Variants in ASB3 observed in about 807,000 individuals in gnomAD.
The protein encoded by ASB3 is ankyrin repeat and SOCS box protein 3.
Under a neutral mutation model 54.5 loss-of-function variants are expected in ASB3, and 41 were observed. The ratio of observed to expected loss-of-function variants is 0.75; its 90% CI spans 0.59 to 0.98. ASB3 has a LOEUF of 0.98. Ranked by LOEUF, ASB3 falls within the 50% of genes least tolerant of loss-of-function variation. ASB3 has a pLI of 0.00. For synonymous variants in ASB3, 266 were observed against 221.2 expected (o/e 1.20, Z -1.80); for missense variants, 733 against 620.0 (o/e 1.18, Z -1.94).
rs552440558 is a variant in ASB3, at chr2:53,719,353, T to G, written c.605-2610A>C. Among the ~76,000 whole-genome samples the G allele has an allele frequency of 2.0e-5, 3 of 152,372 alleles. No homozygotes were observed. The East Asian group carries it at 5.8e-4, about 29-fold the overall frequency. ...TGACAGAGCAGGAGTATCACCATCT[T>G]GCACAAGCACTGTTATTTTCCAATT... On this transcript the variant is annotated intron_variant, in intron 5 of 9. Coordinates refer to ENST00000263634, the MANE Select transcript of ASB3 (RefSeq NM_016115.5).
chr2:53,677,388 C>T (rs1668136513), intron 9 of ASB3, among the ~76,000 whole-genome samples: 2 of 152,280 alleles, frequency 1.3e-5, no homozygotes, highest in South Asian at 2.1e-4. Context: ...TGCCTATTCT[C>T]TCACTGAAAG....
chr2:53,749,451 T>C (rs146408642), intron 3 of ASB3, among the ~76,000 whole-genome samples: 36 of 152,198 alleles, frequency 2.4e-4, no homozygotes, highest in Middle Eastern at 3.4e-3. Context: ...ATCCTAAGTA[T>C]TAACCCAAGA....
At chr2:53,726,347 A>G (rs1164311272) in intron 5 of ASB3, among the ~76,000 whole-genome samples, 3 of 146,740 alleles carry the variant, frequency 2.0e-5, no homozygotes, top group South Asian at 4.3e-4. Flanking sequence ...TGCAACCTCT[A>G]CCTCCTGGGT....
intron 8 of ASB3, among the ~76,000 whole-genome samples, chr2:53,696,471 G>A (rs1669187579): frequency 6.6e-6 from 1 of 152,126 alleles, no homozygotes; most frequent in African/African-American, 2.4e-5. Flanking sequence ...AAATCCTTCT[G>A]CCTCCAAGTA....
chr2:53,781,791 G>A (rs887708596), intron 1 of ASB3, among the ~76,000 whole-genome samples: 7 of 152,316 alleles, frequency 4.6e-5, no homozygotes, highest in African/African-American at 9.6e-5. Flanking sequence ...CACCACGCCC[G>A]GCGGAGATTC....
chr2:53,714,409 G>C lies in ASB3; in HGVS notation c.955C>G (p.Pro319Ala). 3 of 1,614,206 alleles carry C rather than the reference G, an allele frequency of 1.9e-6. No homozygotes were observed. Among genetic ancestry groups the C allele is most frequent in the Non-Finnish European group, 2.5e-6 (3 of 1,180,016 alleles). Residue 319 changes from proline (P) to alanine (A), a missense_variant, in exon 7 of 10, where the codon CCT (proline) becomes GCT (alanine). Physicochemically the swap from Pro to Ala is conservative, Grantham distance 27. Transcript: ENST00000263634. ...TCCTTTTGGAAAGCCATGCACACAG[G>C]AGAACTGAATCCAAAAACAAGGCAC... is the stretch of plus-strand genomic sequence containing the variant. ...QACLVFGFSS[P>A]VCMAFQKDCE...
chr2:53,741,408 G>A (rs1006880718), intron 3 of ASB3, among the ~76,000 whole-genome samples: 3 of 152,188 alleles, frequency 2.0e-5, no homozygotes, highest in African/African-American at 7.2e-5. Flanking sequence ...AAGAAGTTTT[G>A]AACAGAATAT....
intron 6 of ASB3, among the ~76,000 whole-genome samples, chr2:53,714,936 T>A (rs1670303990): frequency 6.6e-6 from 1 of 152,182 alleles, no homozygotes; most frequent in African/African-American, 2.4e-5. Context: ...ATAAATTATT[T>A]AAAACATCAT....
intron 1 of ASB3, among the ~76,000 whole-genome samples, chr2:53,784,936 C>T (rs564577643): frequency 6.6e-6 from 1 of 152,190 alleles, no homozygotes; most frequent in East Asian, 1.9e-4. Context: ...AAATGTACAT[C>T]GGGTCCTGTC....
Position 53,748,689 on chromosome 2 carries a change from G to C in ASB3, c.355+2094C>G, listed in dbSNP as rs79768886. Among the ~76,000 whole-genome samples the C allele has an allele frequency of 1.9e-3, 291 of 152,004 alleles. 1 individual carries two copies. The highest frequency in any genetic ancestry group is 0.01 in the Middle Eastern group (3 of 292). On this transcript the variant is annotated intron_variant, in intron 3 of 9. Coordinates refer to ENST00000263634, the MANE Select transcript of ASB3 (RefSeq NM_016115.5). ...TCGAAGGATATTATACAAAATCAATGACCTGAACTCTTAAAAAAGTTAAAA... is the reference window on the plus strand; with the variant it reads ...TCGAAGGATATTATACAAAATCAATCACCTGAACTCTTAAAAAAGTTAAAA...
intron 5 of ASB3, among the ~76,000 whole-genome samples, chr2:53,722,768 G>C (rs1670779820): frequency 6.6e-6 from 1 of 152,112 alleles, no homozygotes; most frequent in Non-Finnish European, 1.5e-5. Context: ...CATTCTCCTA[G>C]AGAAATGGAA....
intron 9 of ASB3, among the ~76,000 whole-genome samples, chr2:53,690,830 G>C (rs1422172594): frequency 6.6e-6 from 1 of 151,910 alleles, no homozygotes. Flanking sequence ...GAAATAAAAA[G>C]ATCAAGAGAG....
At chr2:53,785,448 T>G (rs983087912) in intron 1 of ASB3, among the ~76,000 whole-genome samples, 1 of 145,656 alleles carries the variant, frequency 6.9e-6, no homozygotes, top group Non-Finnish European at 1.5e-5. Context: ...AAAAAAAAAA[T>G]TGACTATTAC....
intron 7 of ASB3, among the ~76,000 whole-genome samples, chr2:53,705,850 A>T (rs112580665): frequency 3.9e-4 from 60 of 152,262 alleles, no homozygotes; most frequent in African/African-American, 1.3e-3. Flanking sequence ...AAATATTTGT[A>T]AATTACAAAA....
At chr2:53,751,239 T>A (rs1464218129) in intron 2 of ASB3, among the ~76,000 whole-genome samples, 2 of 152,132 alleles carry the variant, frequency 1.3e-5, no homozygotes, top group Non-Finnish European at 2.9e-5. Context: ...ACAAAAGCAA[T>A]AGTCTGAGGA....
intron 1 of ASB3, among the ~76,000 whole-genome samples, chr2:53,765,923 AGC>A (rs1673423683): frequency 9.7e-6 from 1 of 103,378 alleles, no homozygotes; most frequent in Non-Finnish European, 2.7e-5. Context: ...CATTGATAAG[AGC>A]ACCCTCTTTG....
At chr2:53,718,653 A>T (rs911322158) in intron 5 of ASB3, among the ~76,000 whole-genome samples, 3 of 152,080 alleles carry the variant, frequency 2.0e-5, no homozygotes, top group African/African-American at 7.2e-5. Context: ...TAGGATCAAA[A>T]CCTCACATAT....
intron 9 of ASB3, among the ~76,000 whole-genome samples, chr2:53,671,412 T>C (rs1470046782): frequency 6.8e-6 from 1 of 146,256 alleles, no homozygotes; most frequent in Non-Finnish European, 1.5e-5. Context: ...GGCAAGGCAG[T>C]GCAGCCAAAA....
intron 1 of ASB3, among the ~76,000 whole-genome samples, chr2:53,769,920 C>G (rs1444337316): frequency 6.6e-6 from 1 of 152,182 alleles, no homozygotes; most frequent in Non-Finnish European, 1.5e-5. Flanking sequence ...TACCATACAT[C>G]TTAGCCCATA....
Sources: gnomAD v4.1 joint callset for allele counts (sites outside exome capture counted in the v4.1 genomes callset) on GRCh38, gnomAD v4.1.1 for gene constraint, MANE v1.5 for transcripts, NCBI Gene and HGNC (gene_info 2026-07-23, HGNC 2026-07-21) for gene names.